The following ATG10 variants were observed in gnomAD, a reference collection of about 807,000 sequenced individuals.
ATG10 encodes the protein ubiquitin-like-conjugating enzyme ATG10.
ATG10 carries 30 observed loss-of-function variants against 32.1 expected under a neutral mutation model. The ratio of observed to expected loss-of-function variants is 0.94; its 90% CI spans 0.70 to 1.27. The LOEUF (loss-of-function observed/expected upper bound fraction) is 1.27, where lower values mean the gene tolerates loss of function less well. Ranked by LOEUF, ATG10 falls within the 50% of genes most tolerant of loss-of-function variation. The pLI is 0.00. For synonymous variants in ATG10, 87 were observed against 91.5 expected (o/e 0.95, Z 0.28); for missense variants, 233 against 262.3 (o/e 0.89, Z 0.77).
chr5:82,206,669 C>A (rs1412755560), intron 5 of ATG10, among the ~76,000 whole-genome samples: 1 of 151,132 alleles, frequency 6.6e-6, no homozygotes, highest in Non-Finnish European at 1.5e-5. Flanking sequence ...AAAAAAAATT[C>A]TTATTGAAGT....
chr5:82,029,757 C>G (rs1278847724), intron 2 of ATG10, among the ~76,000 whole-genome samples: 3 of 152,138 alleles, frequency 2.0e-5, no homozygotes, highest in Non-Finnish European at 4.4e-5. Flanking sequence ...CATTTTATAT[C>G]TCACTCATGG....
At chr5:82,110,627 G>A (rs1239814770) in intron 3 of ATG10, among the ~76,000 whole-genome samples, 1 of 152,048 alleles carries the variant, frequency 6.6e-6, no homozygotes, top group Non-Finnish European at 1.5e-5. Context: ...CATATCCTTT[G>A]CCCACTTTTT....
chr5:82,149,183 A>C (rs962426132), intron 3 of ATG10, among the ~76,000 whole-genome samples: 1 of 151,890 alleles, frequency 6.6e-6, no homozygotes, highest in African/African-American at 2.4e-5. Flanking sequence ...CTTGCTTATC[A>C]TATTGGCAAC....
At chr5:82,011,748 C>T (rs747521861) in intron 2 of ATG10, among the ~76,000 whole-genome samples, 2 of 152,134 alleles carry the variant, frequency 1.3e-5, no homozygotes, top group Non-Finnish European at 2.9e-5. Context: ...CAAGTCTGCC[C>T]TGTCTTTTAG....
chr5:82,109,613 G>T (rs984902895), intron 3 of ATG10, among the ~76,000 whole-genome samples: 1 of 151,254 alleles, frequency 6.6e-6, no homozygotes, highest in Non-Finnish European at 1.5e-5. Flanking sequence ...TTTTTATAAT[G>T]ATATATGTTC....
rs183393993 is a variant in ATG10, at chr5:82,227,563, C to T, written c.454-24999C>T. ...CTAATTTTTGTATTTTTAGTAGAGA[C>T]GGGGTTTCACCAAGGTTGGCAAGGA... On this transcript the variant is annotated intron_variant, in intron 5 of 7. Coordinates refer to ENST00000282185, the MANE Select transcript of ATG10 (RefSeq NM_031482.5). Among the ~76,000 whole-genome samples, 1,151 of 151,984 alleles carry T rather than the reference C, an allele frequency of 7.6e-3. 14 individuals are homozygous for T. The highest frequency in any genetic ancestry group is 0.025 in the African/African-American group (1,030 of 41,466).
At chr5:82,109,902 C>T (rs965858920) in intron 3 of ATG10, among the ~76,000 whole-genome samples, 2 of 151,788 alleles carry the variant, frequency 1.3e-5, no homozygotes, top group African/African-American at 4.8e-5. Flanking sequence ...GTGCTGCACC[C>T]ATTAACTCGT....
At chr5:82,020,567 G>A (rs1762407080) in intron 2 of ATG10, among the ~76,000 whole-genome samples, 1 of 152,196 alleles carries the variant, frequency 6.6e-6, no homozygotes, top group South Asian at 2.1e-4. Flanking sequence ...TCTGTGACAA[G>A]TTCAGCTGAT....
intron 3 of ATG10, among the ~76,000 whole-genome samples, chr5:82,081,727 A>G (rs1348093144): frequency 6.6e-6 from 1 of 152,178 alleles, no homozygotes; most frequent in Non-Finnish European, 1.5e-5. Flanking sequence ...CATGGTGGAT[A>G]AGCTTTTGGA....
chr5:82,240,319 T>A (rs910417117), intron 5 of ATG10, among the ~76,000 whole-genome samples: 5 of 152,200 alleles, frequency 3.3e-5, no homozygotes, highest in African/African-American at 1.2e-4. Flanking sequence ...GTATACACAA[T>A]AGAATATTAT....
At chr5:82,164,798 TTTTTC>T (rs1353404766) in intron 4 of ATG10, among the ~76,000 whole-genome samples, 1 of 152,174 alleles carries the variant, frequency 6.6e-6, no homozygotes, top group Non-Finnish European at 1.5e-5. Flanking sequence ...CCCCTGGCCC[TTTTTC>T]TTTTCTTTAC....
At chr5:82,216,527 C>T (rs1342154811) in intron 5 of ATG10, among the ~76,000 whole-genome samples, 1 of 152,094 alleles carries the variant, frequency 6.6e-6, no homozygotes, top group Non-Finnish European at 1.5e-5. Flanking sequence ...ATACCAGAAT[C>T]AAGTAAGCCA....
At chr5:82,030,764 T>A (rs1286702289) in intron 2 of ATG10, among the ~76,000 whole-genome samples, 1 of 152,222 alleles carries the variant, frequency 6.6e-6, no homozygotes, top group Non-Finnish European at 1.5e-5. Context: ...AATCCCTACG[T>A]GACAGCCTGT....
intron 5 of ATG10, among the ~76,000 whole-genome samples, chr5:82,237,418 C>T (rs993191252): frequency 2.0e-5 from 3 of 151,916 alleles, no homozygotes; most frequent in African/African-American, 7.3e-5. Flanking sequence ...CCAAGGCAGG[C>T]GGATCACCTG....
chr5:82,078,057 G>A (rs762905962), intron 3 of ATG10, among the ~76,000 whole-genome samples: 1 of 152,060 alleles, frequency 6.6e-6, no homozygotes, highest in Non-Finnish European at 1.5e-5. Context: ...ATTTTTCTTC[G>A]ATTATAATTT....
At chr5:81,972,790 A>G (rs1372837994) in intron 1 of ATG10, among the ~76,000 whole-genome samples, 1 of 152,144 alleles carries the variant, frequency 6.6e-6, no homozygotes, top group Non-Finnish European at 1.5e-5. Flanking sequence ...AAACCTATAA[A>G]ATCAAGAATT....
At chr5:81,992,471 G>C (rs1761493972) in intron 2 of ATG10, 1 of 151,006 alleles carries the variant, frequency 6.6e-6, no homozygotes, top group Non-Finnish European at 1.5e-5. Flanking sequence ...GTGCGTTCCT[G>C]GCTCGCCACA....
At chr5:82,064,418 T>C (rs1763878235) in intron 3 of ATG10, among the ~76,000 whole-genome samples, 1 of 152,138 alleles carries the variant, frequency 6.6e-6, no homozygotes, top group Non-Finnish European at 1.5e-5. Flanking sequence ...CAAAGATATG[T>C]AGATATGTGA....
chr5:82,167,746 G>C (rs1485276883), intron 4 of ATG10, among the ~76,000 whole-genome samples: 1 of 152,208 alleles, frequency 6.6e-6, no homozygotes, highest in Non-Finnish European at 1.5e-5. Context: ...CTTGAAGGCA[G>C]ACAGCCAAGT....
Sources: allele counts gnomAD v4.1 joint callset (sites outside exome capture counted in the v4.1 genomes callset), GRCh38; gene constraint gnomAD v4.1.1; transcripts MANE v1.5; gene names NCBI Gene and HGNC (gene_info 2026-07-23, HGNC 2026-07-21).